GRIK4: variants seen among roughly 807,000 people sequenced by gnomAD.
GRIK4 encodes the protein glutamate ionotropic receptor kainate type subunit 4.
A neutral mutation model predicts 104.9 loss-of-function variants in GRIK4; 40 were observed. That is an observed-to-expected ratio of 0.38 (90% confidence interval 0.30 to 0.50). GRIK4 has a LOEUF of 0.50. Among genes scored for constraint, GRIK4 ranks in the 20% least tolerant of loss-of-function variants. The pLI is 0.93. For synonymous variants in GRIK4, 485 were observed against 524.9 expected, an observed-to-expected ratio of 0.92 and a Z score of 1.04; for missense variants, 1,047 against 1,308.1, an observed-to-expected ratio of 0.80 and a Z score of 3.08.
intron 1 of GRIK4, among the ~76,000 whole-genome samples, chr11:120,535,626 G>A (rs939282659): frequency 2.0e-5 from 3 of 152,116 alleles, no homozygotes; most frequent in Admixed American, 6.5e-5. Flanking sequence ...TCGGGATCCC[G>A]GTTCTACATC....
intron 11 of GRIK4, among the ~76,000 whole-genome samples, chr11:120,892,622 C>T (rs1049568650): frequency 1.3e-5 from 2 of 152,268 alleles, no homozygotes; most frequent in African/African-American, 4.8e-5. Context: ...CAGAGGACCC[C>T]TGTGGTCCTG....
chr11:120,741,594 A>C (rs1213664800), intron 3 of GRIK4, among the ~76,000 whole-genome samples: 2 of 152,100 alleles, frequency 1.3e-5, no homozygotes, highest in African/African-American at 4.8e-5. Flanking sequence ...ATGTGCTCTT[A>C]ACCACACTGT....
rs763375736 is a variant in GRIK4 at position 120,962,604 on chromosome 11, A to G, written c.2189A>G (p.Tyr730Cys). Reference sequence around the variant, plus strand: ...CTGGAATCCACCATGAACGAGTACTATCGGCAGCGAAACTGCAACCTCACT... The same window carrying G: ...CTGGAATCCACCATGAACGAGTACTGTCGGCAGCGAAACTGCAACCTCACT... Reference protein sequence around the residue: ...FLLESTMNEYYRQRNCNLTQI... With the variant: ...FLLESTMNEYCRQRNCNLTQI... Residue 730 changes from tyrosine to cysteine, a missense_variant, in exon 18 of 21, where the codon TAT (tyrosine) becomes TGT (cysteine). Transcript: ENST00000527524. 2 of 1,614,122 alleles carry G rather than the reference A, an allele frequency of 1.2e-6. No homozygotes were observed. Among genetic ancestry groups the G allele is most frequent in the Non-Finnish European group, 1.7e-6 (2 of 1,180,004 alleles).
intron 1 of GRIK4, among the ~76,000 whole-genome samples, chr11:120,602,644 A>C (rs913568367): frequency 6.6e-6 from 1 of 152,216 alleles, no homozygotes; most frequent in African/African-American, 2.4e-5. Flanking sequence ...TTGAAGGCCT[A>C]TCTGGGTATG....
At chr11:120,958,392 C>T (rs1019361100) in intron 16 of GRIK4, among the ~76,000 whole-genome samples, 3 of 152,242 alleles carry the variant, frequency 2.0e-5, no homozygotes, top group Non-Finnish European at 4.4e-5. Flanking sequence ...GCCGCCGTGA[C>T]AGGCCTGTGC....
At chr11:120,841,528 T>C (rs905154311) in intron 8 of GRIK4, among the ~76,000 whole-genome samples, 1 of 152,194 alleles carries the variant, frequency 6.6e-6, no homozygotes, top group Non-Finnish European at 1.5e-5. Flanking sequence ...GATGGACACG[T>C]GGGTCGCCTC....
intron 3 of GRIK4, among the ~76,000 whole-genome samples, chr11:120,661,245 G>A (rs920679803): frequency 8.5e-5 from 13 of 152,232 alleles, no homozygotes; most frequent in South Asian, 4.2e-4. Context: ...TGTGTACATC[G>A]GGGGATGGGG....
At chr11:120,934,883 C>T (rs1478338340) in intron 13 of GRIK4, among the ~76,000 whole-genome samples, 2 of 152,194 alleles carry the variant, frequency 1.3e-5, no homozygotes, top group Non-Finnish European at 2.9e-5. Flanking sequence ...CCCTGTGGCT[C>T]TAATGGTCCC....
intron 1 of GRIK4, among the ~76,000 whole-genome samples, chr11:120,649,961 A>G (rs945011700): frequency 1.3e-5 from 2 of 152,178 alleles, no homozygotes; most frequent in Non-Finnish European, 2.9e-5. Flanking sequence ...GCCTTGGCTC[A>G]TGTGGTCTTT....
intron 3 of GRIK4, among the ~76,000 whole-genome samples, chr11:120,698,169 G>T (rs996993275): frequency 6.6e-6 from 1 of 151,990 alleles, no homozygotes; most frequent in African/African-American, 2.4e-5. Context: ...AGAGTATAAC[G>T]TTTCTACATA....
rs771291110 is a variant in GRIK4, at chr11:120,903,595, C to G, written c.1273-1695C>G. Among the ~76,000 whole-genome samples the G allele has an allele frequency of 7.2e-5, 11 of 152,284 alleles. No homozygotes were observed. The highest frequency in any genetic ancestry group is 3.4e-3 in the Middle Eastern group (1 of 294). ...GGACTGTCCCATCCTAAAACACCAT[C>G]GCCTTCACCTTTCCTACACCCTGCT... On this transcript the variant is annotated intron_variant, in intron 12 of 20. Coordinates refer to ENST00000527524, the MANE Select transcript of GRIK4 (RefSeq NM_014619.5). The surrounding 1 kb of genome is among the most constrained non-coding windows in gnomAD (Gnocchi z 4.4).
chr11:120,695,399 A>G (rs1950428694), intron 3 of GRIK4, among the ~76,000 whole-genome samples: 1 of 152,238 alleles, frequency 6.6e-6, no homozygotes, highest in South Asian at 2.1e-4. Context: ...TGGCTCGCCA[A>G]GGGATTGCTT....
At chr11:120,888,446 T>C (rs1441099420) in intron 11 of GRIK4, among the ~76,000 whole-genome samples, 1 of 152,236 alleles carries the variant, frequency 6.6e-6, no homozygotes, top group African/African-American at 2.4e-5. Context: ...ATAAAGCCTT[T>C]AGTCCAGTAC....
At chr11:120,826,924 C>T (rs184384157) in intron 6 of GRIK4, among the ~76,000 whole-genome samples, 10 of 152,268 alleles carry the variant, frequency 6.6e-5, no homozygotes, top group Admixed American at 2.0e-4. Flanking sequence ...GGAACAGGTC[C>T]GACAACCGCA....
intron 1 of GRIK4, among the ~76,000 whole-genome samples, chr11:120,604,839 G>A (rs1948938268): frequency 6.6e-6 from 1 of 152,192 alleles, no homozygotes; most frequent in Non-Finnish European, 1.5e-5. Context: ...TACTTGGAAT[G>A]GCCAGAAGTG....
chr11:120,592,483 A>T (rs1336777486), intron 1 of GRIK4, among the ~76,000 whole-genome samples: 3 of 152,344 alleles, frequency 2.0e-5, no homozygotes. Flanking sequence ...TCGGTACTGC[A>T]TTCCGTTGGG....
chr11:120,817,297 A>G (rs530065310), intron 5 of GRIK4, among the ~76,000 whole-genome samples: 46 of 152,272 alleles, frequency 3.0e-4, no homozygotes, highest in African/African-American at 1.0e-3. Context: ...AGCCAAGCCC[A>G]TGATCTGCAG....
At chr11:120,788,828 G>T (rs141531724) in intron 3 of GRIK4, among the ~76,000 whole-genome samples, 1 of 150,796 alleles carries the variant, frequency 6.6e-6, no homozygotes, top group Non-Finnish European at 1.5e-5. Context: ...TTCCCAGACC[G>T]GCTGCTTGGC....
At position 120,925,201 on chromosome 11, in the gene GRIK4, A is replaced by C. The variant is rs1008020844; in HGVS notation, c.1477-15146A>C. Among the ~76,000 whole-genome samples the C allele has an allele frequency of 2.6e-5, 4 of 152,266 alleles. No individual in the cohort carries two copies. In the East Asian group the frequency reaches 7.7e-4, roughly 29 times the overall value. ...TGCCCACAGAAGTTGGTGGTACTTT[A>C]TTTTACCCAACAAAAACAGTCCTAA... On this transcript the variant is annotated intron_variant, in intron 13 of 20. Transcript: ENST00000527524.
Sources: gnomAD v4.1 joint callset for allele counts (sites outside exome capture counted in the v4.1 genomes callset) on GRCh38, gnomAD v4.1.1 for gene constraint, Gnocchi (gnomAD v3.1) non-coding constraint, MANE v1.5 for transcripts, NCBI Gene and HGNC (gene_info 2026-07-23, HGNC 2026-07-21) for gene names.